Variants in TTC17 observed in about 807,000 individuals in gnomAD.
The protein encoded by TTC17 is tetratricopeptide repeat protein 17.
TTC17 carries 58 observed loss-of-function variants against 143.8 expected under a neutral mutation model. The observed-to-expected ratio is 0.40, with a 90% CI of 0.33 to 0.50. The LOEUF (loss-of-function observed/expected upper bound fraction) is 0.50. Ranked by LOEUF, TTC17 falls within the 20% of genes least tolerant of loss-of-function variation. The pLI, the probability that TTC17 is intolerant of heterozygous loss-of-function variation, is 0.49. For missense variants in TTC17, 1,273 were observed against 1,392.5 expected, an observed-to-expected ratio of 0.91 and a Z score of 1.37; for synonymous variants, 501 against 497.8, an observed-to-expected ratio of 1.01 and a Z score of -0.09.
Position 43,451,159 on chromosome 11 carries a change from TCTA to T in TTC17, c.2947-19_2947-17del, listed in dbSNP as rs1947649779. 6.2e-7 allele frequency: 1 copy of T among 1,608,702 alleles called. No homozygotes were observed. Among genetic ancestry groups the T allele is most frequent in the Non-Finnish European group, 8.5e-7 (1 of 1,175,406 alleles). On this transcript the variant is annotated intron_variant, in intron 20 of 23. Transcript: ENST00000039989. ...TCCTGCATCGTTTTCATTCTTCTAA[TCTA>T]CTATCTTCCTTCCTTCCAGGTATTA...
In TTC17 at chr11:43,371,476, G is replaced by A. The variant is rs192160202; in HGVS notation, c.160-7757G>A. Among the ~76,000 whole-genome samples, 3 of 152,342 alleles carry A rather than the reference G, an allele frequency of 2.0e-5. No individual in the cohort carries two copies. The East Asian group carries it at 5.8e-4, about 29-fold the overall frequency. Reference sequence around the variant, plus strand: ...TTATTATATTAGAAAAGACACAGATGAAGAGATGCACAGGGTGACGTATGG... The same window carrying A: ...TTATTATATTAGAAAAGACACAGATAAAGAGATGCACAGGGTGACGTATGG... On this transcript the variant is annotated intron_variant, in intron 1 of 23. Coordinates refer to ENST00000039989, the MANE Select transcript of TTC17 (RefSeq NM_018259.6).
Position 43,396,818 on chromosome 11 carries a change from G to T in TTC17, c.773G>T (p.Arg258Met). The change falls in exon 6 of 24, where the codon AGG becomes ATG. Residue 258 changes from arginine to methionine, a missense_variant and splice_region_variant. Physicochemically the swap from Arg to Met is moderately conservative, Grantham distance 91 (BLOSUM62 -1). Coordinates refer to ENST00000039989, the MANE Select transcript of TTC17 (RefSeq NM_018259.6). The part of the protein sequence containing the change: ...CAMRALHFSS[R>M]HNKDIALVNL... ...ATGCGAGCACTTCACTTCTCTTCCA[G>T]GTAAGATTCCTCCTCTTCTGGACCT... 6.3e-7 allele frequency: 1 copy of T among 1,590,320 alleles called. No homozygotes were observed. Among genetic ancestry groups the T allele is most frequent in the Non-Finnish European group, 8.6e-7 (1 of 1,161,426 alleles).
At chr11:43,480,651 T>C (rs987326041) in intron 21 of TTC17, among the ~76,000 whole-genome samples, 5 of 152,164 alleles carry the variant, frequency 3.3e-5, no homozygotes, top group Admixed American at 3.3e-4. Flanking sequence ...AAGAAATGAC[T>C]GAAATACTGT....
rs576915388 is a variant in TTC17 at position 43,377,363 on chromosome 11, T to G, written c.160-1870T>G. 1.5e-3 allele frequency among the ~76,000 whole-genome samples: 225 copies of G among 152,334 alleles called. 1 individual carries two copies. The highest frequency in any genetic ancestry group is 2.2e-3 in the Non-Finnish European group (148 of 68,034). On this transcript the variant is annotated intron_variant, in intron 1 of 23. Coordinates refer to ENST00000039989, the MANE Select transcript of TTC17 (RefSeq NM_018259.6). ...ATGCAGTCTGCCATTGACTGAAATG[T>G]TATTTGGCATATAACTGTATTTACA... is the stretch of plus-strand genomic sequence containing the variant.
intron 5 of TTC17, among the ~76,000 whole-genome samples, chr11:43,393,180 G>A (rs187497420): frequency 3.6e-3 from 547 of 152,178 alleles, no homozygotes; most frequent in Non-Finnish European, 4.3e-3. Flanking sequence ...TAACTACCTG[G>A]AGTTAGCACA....
At chr11:43,454,741 A>C (rs903350194) in intron 21 of TTC17, among the ~76,000 whole-genome samples, 2 of 152,082 alleles carry the variant, frequency 1.3e-5, no homozygotes, top group Admixed American at 6.5e-5. Context: ...AATATACTTT[A>C]AAATGCTAAA....
At chr11:43,389,515 C>T in intron 2 of TTC17, 137 bp from the exon 3 acceptor site, 1 of 773,638 alleles carries the variant, frequency 1.3e-6, no homozygotes, top group South Asian at 2.7e-5. Flanking sequence ...ACTAAGTTAA[C>T]TAAGGGCATT....
intron 21 of TTC17, among the ~76,000 whole-genome samples, chr11:43,453,666 C>A (rs1947708409): frequency 6.6e-6 from 1 of 152,118 alleles, no homozygotes; most frequent in African/African-American, 2.4e-5. Flanking sequence ...TAGTAGCAAG[C>A]ATTATATATT....
intron 21 of TTC17, among the ~76,000 whole-genome samples, chr11:43,487,129 TA>T (rs1323853414): frequency 1.3e-5 from 2 of 152,134 alleles, no homozygotes; most frequent in African/African-American, 2.4e-5. Flanking sequence ...ATTAAAGAAA[TA>T]ACTTTTTTGT....
intron 21 of TTC17, among the ~76,000 whole-genome samples, chr11:43,481,212 C>G (rs557161209): frequency 6.6e-6 from 1 of 151,684 alleles, no homozygotes; most frequent in Non-Finnish European, 1.5e-5. Flanking sequence ...AAAATACCCT[C>G]AAAATATGTA....
At chr11:43,475,896 A>G (rs1297373348) in intron 21 of TTC17, among the ~76,000 whole-genome samples, 2 of 152,208 alleles carry the variant, frequency 1.3e-5, no homozygotes, top group African/African-American at 4.8e-5. Flanking sequence ...TTTGGTGTTG[A>G]GAACTAGAAT....
intron 13 of TTC17, among the ~76,000 whole-genome samples, chr11:43,406,509 T>C (rs1858141069): frequency 1.3e-5 from 2 of 151,388 alleles, no homozygotes; most frequent in African/African-American, 4.9e-5. Context: ...TATCATTCCA[T>C]AGATAAAAAT....
chr11:43,467,656 G>A (rs56081269), intron 21 of TTC17, among the ~76,000 whole-genome samples: 41,088 of 151,930 alleles, frequency 0.27, 6,179 homozygotes, highest in African/African-American at 0.39. Context: ...AATTTTATGC[G>A]TTTTCACTAC....
intron 16 of TTC17, chr11:43,436,017 G>A (rs1401119747): frequency 3.4e-6 from 2 of 582,528 alleles, no homozygotes; most frequent in Non-Finnish European, 5.0e-6. Flanking sequence ...GGCTTTGGGT[G>A]CTGCAGCTCA....
intron 18 of TTC17, chr11:43,445,786 A>T (rs1359974108): frequency 3.4e-6 from 2 of 596,798 alleles, no homozygotes; most frequent in Non-Finnish European, 6.0e-6. Context: ...AATCAGCTTC[A>T]TGATGAATCC....
At chr11:43,429,568 A>G (rs1947106816) in intron 16 of TTC17, among the ~76,000 whole-genome samples, 2 of 152,192 alleles carry the variant, frequency 1.3e-5, no homozygotes, top group Non-Finnish European at 2.9e-5. Context: ...ACTTCATGGT[A>G]TTTTACTACC....
At chr11:43,469,409 G>GA (rs370644859) in intron 21 of TTC17, among the ~76,000 whole-genome samples, 4 of 151,796 alleles carry the variant, frequency 2.6e-5, no homozygotes, top group African/African-American at 4.8e-5. Flanking sequence ...AAAATACTTG[G>GA]AAAAAAAATA....
At chr11:43,466,002 G>A (rs895345914) in intron 21 of TTC17, among the ~76,000 whole-genome samples, 2 of 152,158 alleles carry the variant, frequency 1.3e-5, no homozygotes, top group Non-Finnish European at 2.9e-5. Context: ...ACAGCCTACA[G>A]ACTAGGAGAA....
intron 15 of TTC17, 62 bp downstream of exon 15, chr11:43,407,639 C>T: frequency 1.4e-6 from 2 of 1,445,784 alleles, no homozygotes; most frequent in Non-Finnish European, 1.9e-6. Flanking sequence ...ATTTAGATTA[C>T]AATTTGTATT....
Sources: gnomAD v4.1 joint callset for allele counts (sites outside exome capture counted in the v4.1 genomes callset) on GRCh38, gnomAD v4.1.1 for gene constraint, MANE v1.5 for transcripts, NCBI Gene and HGNC (gene_info 2026-07-23, HGNC 2026-07-21) for gene names.